LRRC37A2: variants seen among roughly 807,000 people sequenced by gnomAD.
The protein encoded by LRRC37A2 is leucine rich repeat containing 37 member A2, also known as leucine-rich repeat-containing protein 37A2.
Under a neutral mutation model 68.8 loss-of-function variants are expected in LRRC37A2, and 9 were observed. The ratio of observed to expected loss-of-function variants is 0.13; its 90% CI spans 0.08 to 0.23. LRRC37A2 has a LOEUF of 0.23. LRRC37A2 is among the 10% of genes least tolerant of loss of function. The pLI, the probability that LRRC37A2 is intolerant of heterozygous loss-of-function variation, is 1.00. For missense variants in LRRC37A2, 168 were observed against 950.4 expected (o/e 0.18, Z 10.82); for synonymous variants, 63 against 367.6 (o/e 0.17, Z 9.48).
the LRRC37A2 span, chr17:46,978,811 C>T: frequency 6.2e-7 from 1 of 1,610,862 alleles, no homozygotes; most frequent in African/African-American, 1.3e-5. Context: ...CTGCGCCACC[C>T]GCGACACCCA....
the LRRC37A2 span, among the ~76,000 whole-genome samples, chr17:47,038,974 C>A: frequency 6.9e-6 from 1 of 144,802 alleles, no homozygotes; most frequent in Non-Finnish European, 1.5e-5. Context: ...GATTACAGGC[C>A]TGAGCCACTG....
At chr17:47,004,911 T>C in the LRRC37A2 span, among the ~76,000 whole-genome samples, 2 of 152,246 alleles carry the variant, frequency 1.3e-5, no homozygotes, top group Non-Finnish European at 2.9e-5. Flanking sequence ...TGGGGTAATT[T>C]ACCTACTGTG....
the LRRC37A2 span, among the ~76,000 whole-genome samples, chr17:46,752,682 C>A: frequency 6.6e-6 from 1 of 152,124 alleles, no homozygotes; most frequent in Non-Finnish European, 1.5e-5. Context: ...TCTTGAACTC[C>A]CGAGCTCAAG....
the LRRC37A2 span, chr17:46,938,835 C>T: frequency 8.7e-6 from 14 of 1,606,642 alleles, no homozygotes; most frequent in Non-Finnish European, 1.1e-5. Context: ...GAGAGGGGGG[C>T]CCAGAGGCCG....
the LRRC37A2 span, chr17:46,931,760 A>G: frequency 2.2e-6 from 1 of 457,326 alleles, no homozygotes; most frequent in Non-Finnish European, 4.0e-6. Context: ...AATCCATAGA[A>G]GGTCAAGAAG....
chr17:46,409,340 A>G, the LRRC37A2 span, among the ~76,000 whole-genome samples: 1 of 141,198 alleles, frequency 7.1e-6, no homozygotes, highest in African/African-American at 2.7e-5. Context: ...TCTGAGACCC[A>G]GGCTGGAGTG....
the LRRC37A2 span, among the ~76,000 whole-genome samples, chr17:46,969,841 G>T: frequency 2.4e-4 from 37 of 152,296 alleles, no homozygotes; most frequent in African/African-American, 8.4e-4. Context: ...TGCAAGAGAG[G>T]TGCTTGTTAC....
At chr17:47,003,262 A>G in the LRRC37A2 span, among the ~76,000 whole-genome samples, 1 of 151,492 alleles carries the variant, frequency 6.6e-6, no homozygotes, top group South Asian at 2.1e-4. Flanking sequence ...AAAAAAAAAA[A>G]AAAGCTCAGC....
At chr17:46,986,521 A>T in the LRRC37A2 span, among the ~76,000 whole-genome samples, 1 of 152,166 alleles carries the variant, frequency 6.6e-6, no homozygotes, top group Admixed American at 6.5e-5. Context: ...AGCCTGGAGG[A>T]AGGAAAAAGG....
At chr17:46,776,021 C>T in the LRRC37A2 span, among the ~76,000 whole-genome samples, 19 of 152,190 alleles carry the variant, frequency 1.2e-4, no homozygotes, top group African/African-American at 4.1e-4. Flanking sequence ...TCAAAATAGC[C>T]CCAGCACAAA....
chr17:46,854,083 C>T, the LRRC37A2 span, among the ~76,000 whole-genome samples: 2 of 152,152 alleles, frequency 1.3e-5, no homozygotes, highest in African/African-American at 4.8e-5. Flanking sequence ...ACACAAAAGC[C>T]ACCACCACCC....
the LRRC37A2 span, among the ~76,000 whole-genome samples, chr17:47,011,338 C>A: frequency 1.3e-5 from 2 of 152,082 alleles, no homozygotes; most frequent in Non-Finnish European, 2.9e-5. Context: ...CACTTGAGAT[C>A]AGGAGTTTGA....
the LRRC37A2 span, among the ~76,000 whole-genome samples, chr17:46,739,803 A>G: frequency 6.6e-6 from 1 of 151,644 alleles, no homozygotes; most frequent in Admixed American, 6.6e-5. Context: ...GGTTCAAGCA[A>G]TTCTCATGCC....
the LRRC37A2 span, chr17:46,885,362 G>A: frequency 9.1e-6 from 2 of 220,246 alleles, no homozygotes; most frequent in Non-Finnish European, 1.8e-5. Flanking sequence ...GAGTGCACTG[G>A]CATGATCTCT....
the LRRC37A2 span, among the ~76,000 whole-genome samples, chr17:47,038,921 T>A: frequency 2.2e-5 from 3 of 138,890 alleles, no homozygotes; most frequent in Non-Finnish European, 4.7e-5. Flanking sequence ...CTCAACCTCT[T>A]GACCTCAAGT....
chr17:46,887,237 C>T, the LRRC37A2 span, among the ~76,000 whole-genome samples: 1 of 152,178 alleles, frequency 6.6e-6, no homozygotes, highest in South Asian at 2.1e-4. Context: ...ATGAGGGATA[C>T]TGTTTATGTT....
At chr17:46,489,731 G>A in the LRRC37A2 span, among the ~76,000 whole-genome samples, 3 of 148,978 alleles carry the variant, frequency 2.0e-5, no homozygotes, top group African/African-American at 5.1e-5. Context: ...CAGGCAATCC[G>A]CCCGCCTGGG....
the LRRC37A2 span, among the ~76,000 whole-genome samples, chr17:46,925,183 CTG>C: frequency 2.3e-4 from 35 of 152,294 alleles, no homozygotes; most frequent in East Asian, 6.4e-3. Flanking sequence ...TATACGGTCT[CTG>C]TAGTTACTAC....
chr17:46,845,998 C>A, the LRRC37A2 span, among the ~76,000 whole-genome samples: 1 of 151,968 alleles, frequency 6.6e-6, no homozygotes, highest in East Asian at 1.9e-4. Flanking sequence ...GCCATGTTGG[C>A]CAGGGTGGTC....
Sources: allele counts gnomAD v4.1 joint callset (sites outside exome capture counted in the v4.1 genomes callset), GRCh38; gene constraint gnomAD v4.1.1; transcripts MANE v1.5; gene names NCBI Gene and HGNC (gene_info 2026-07-23, HGNC 2026-07-21).